ADGRL3: variants seen among roughly 807,000 people sequenced by gnomAD.
ADGRL3 encodes the protein calcium-independent alpha-latrotoxin receptor 3.
A neutral mutation model predicts 153.5 loss-of-function variants in ADGRL3; 62 were observed. The observed-to-expected ratio is 0.40, with a 90% CI of 0.33 to 0.50. The LOEUF (loss-of-function observed/expected upper bound fraction) is 0.50, where lower values mean the gene tolerates loss of function less well. Ranked by LOEUF, ADGRL3 falls within the 20% of genes least tolerant of loss-of-function variation. The probability of loss-of-function intolerance (pLI) is 0.47; values close to 1 mark genes in which losing one functional copy is unlikely to be tolerated. For missense variants in ADGRL3, 1,641 were observed against 1,859.4 expected (o/e 0.88, Z 2.16); for synonymous variants, 710 against 672.5 (o/e 1.06, Z -0.86).
At chr4:61,277,855 G>T (rs150510593) in intron 1 of ADGRL3, among the ~76,000 whole-genome samples, 2 of 152,186 alleles carry the variant, frequency 1.3e-5, no homozygotes, top group East Asian at 3.9e-4. Flanking sequence ...GTTCATATTA[G>T]ACCTAGCAAT....
intron 8 of ADGRL3, among the ~76,000 whole-genome samples, chr4:61,793,113 G>A (rs1458646320): frequency 3.3e-5 from 5 of 152,036 alleles, no homozygotes; most frequent in Admixed American, 6.6e-5. Flanking sequence ...TTGTGCAGGG[G>A]AACTCCTCTT....
At chr4:61,218,323 T>A (rs1743808725) in intron 1 of ADGRL3, among the ~76,000 whole-genome samples, 1 of 151,934 alleles carries the variant, frequency 6.6e-6, no homozygotes, top group South Asian at 2.1e-4. Context: ...CTTCTTTTTT[T>A]TTTTGGAGAC....
At chr4:61,920,179 G>A (rs2098762180) in intron 13 of ADGRL3, among the ~76,000 whole-genome samples, 1 of 152,008 alleles carries the variant, frequency 6.6e-6, no homozygotes, top group South Asian at 2.1e-4. Flanking sequence ...AATATAAATA[G>A]ATATTATTTC....
chr4:61,988,825 T>TA (rs892916249), intron 19 of ADGRL3, among the ~76,000 whole-genome samples: 1 of 152,084 alleles, frequency 6.6e-6, no homozygotes, highest in Non-Finnish European at 1.5e-5. Flanking sequence ...AAATCTGGGC[T>TA]AAAAAATTGA....
intron 25 of ADGRL3, among the ~76,000 whole-genome samples, chr4:62,046,036 T>C (rs1228430805): frequency 6.6e-6 from 1 of 151,956 alleles, no homozygotes; most frequent in African/African-American, 2.4e-5. Flanking sequence ...TACAAACGCC[T>C]CCATAACCTA....
At chr4:61,913,739 T>A (rs1346203419) in intron 13 of ADGRL3, among the ~76,000 whole-genome samples, 1 of 152,168 alleles carries the variant, frequency 6.6e-6, no homozygotes, top group African/African-American at 2.4e-5. Context: ...TCCTCGGTAG[T>A]ACAGAATTGA....
intron 9 of ADGRL3, among the ~76,000 whole-genome samples, chr4:61,847,634 TTA>T (rs372049439): frequency 0.36 from 15,350 of 42,400 alleles, 1,588 homozygotes; most frequent in Non-Finnish European, 0.41. Flanking sequence ...ATAAAATATA[TTA>T]TATATATAAT....
At chr4:61,362,967 C>T (rs1439715319) in intron 1 of ADGRL3, among the ~76,000 whole-genome samples, 2 of 152,144 alleles carry the variant, frequency 1.3e-5, no homozygotes, top group African/African-American at 2.4e-5. Context: ...AAAATCTCAT[C>T]GTCCTATATT....
intron 9 of ADGRL3, among the ~76,000 whole-genome samples, chr4:61,874,190 C>T (rs1301996841): frequency 6.6e-6 from 1 of 152,100 alleles, no homozygotes; most frequent in African/African-American, 2.4e-5. Context: ...CATCTGAAAC[C>T]TTGACTGAGG....
At chr4:61,882,349 C>A (rs950255690) in intron 9 of ADGRL3, among the ~76,000 whole-genome samples, 4 of 152,102 alleles carry the variant, frequency 2.6e-5, no homozygotes, top group Non-Finnish European at 4.4e-5. Flanking sequence ...GTGTCTTACA[C>A]CCCCATGCTG....
At chr4:61,929,370 G>A (rs2098807726) in intron 13 of ADGRL3, among the ~76,000 whole-genome samples, 1 of 152,146 alleles carries the variant, frequency 6.6e-6, no homozygotes, top group African/African-American at 2.4e-5. Context: ...TCCAGTCTAA[G>A]GTATTTTGTT....
chr4:61,905,749 G>C (rs772137517), intron 11 of ADGRL3, among the ~76,000 whole-genome samples: 2 of 151,914 alleles, frequency 1.3e-5, no homozygotes, highest in Non-Finnish European at 2.9e-5. Flanking sequence ...GCAAAAATTA[G>C]CTGGGCATGG....
intron 25 of ADGRL3, among the ~76,000 whole-genome samples, chr4:62,062,937 T>C (rs1740984785): frequency 2.6e-5 from 4 of 152,128 alleles, no homozygotes; most frequent in Non-Finnish European, 5.9e-5. Flanking sequence ...TTATTTTATT[T>C]CATCTTAAAT....
At chr4:61,638,279 G>A (rs1325440867) in intron 5 of ADGRL3, among the ~76,000 whole-genome samples, 1 of 152,092 alleles carries the variant, frequency 6.6e-6, no homozygotes, top group Non-Finnish European at 1.5e-5. Flanking sequence ...AATGAAAGAA[G>A]CCAGGAACCC....
intron 4 of ADGRL3, among the ~76,000 whole-genome samples, chr4:61,520,750 A>G (rs758135107): frequency 3.3e-5 from 5 of 150,700 alleles, no homozygotes; most frequent in South Asian, 4.2e-4. Flanking sequence ...AATGTGTCAT[A>G]GTATGGAATT....
intron 24 of ADGRL3, among the ~76,000 whole-genome samples, chr4:62,043,421 G>T (rs930435906): frequency 6.6e-6 from 1 of 152,010 alleles, no homozygotes; most frequent in East Asian, 1.9e-4. Context: ...GTGTCTGTGT[G>T]TGTGTGCATG....
At chr4:61,986,091 G>A (rs116667498) in intron 19 of ADGRL3, among the ~76,000 whole-genome samples, 1,903 of 151,324 alleles carry the variant, frequency 0.013, 42 homozygotes, top group African/African-American at 0.044. Flanking sequence ...GTGGTATTAT[G>A]TACTCATCAC....
intron 9 of ADGRL3, among the ~76,000 whole-genome samples, chr4:61,877,596 A>G (rs965771376): frequency 6.6e-6 from 1 of 152,200 alleles, no homozygotes; most frequent in Non-Finnish European, 1.5e-5. Flanking sequence ...ACAAAGTAAC[A>G]GGCACTGGCT....
chr4:61,347,443 A>G (rs1055629551), intron 1 of ADGRL3, among the ~76,000 whole-genome samples: 3 of 152,172 alleles, frequency 2.0e-5, no homozygotes, highest in African/African-American at 7.2e-5. Flanking sequence ...AGTATTCAGT[A>G]TGTAATTCAT....
Sources: gnomAD v4.1 joint callset for allele counts (sites outside exome capture counted in the v4.1 genomes callset) on GRCh38, gnomAD v4.1.1 for gene constraint, MANE v1.5 for transcripts, NCBI Gene and HGNC (gene_info 2026-07-23, HGNC 2026-07-21) for gene names.